Variants in ARHGAP32 observed in about 807,000 individuals in gnomAD.
The protein encoded by ARHGAP32 is Rho GTPase activating protein 32.
A neutral mutation model predicts 186.5 loss-of-function variants in ARHGAP32; 51 were observed. That is an observed-to-expected ratio of 0.27 (90% CI 0.22 to 0.35). The LOEUF (loss-of-function observed/expected upper bound fraction) is 0.35. Among genes scored for constraint, ARHGAP32 ranks in the 10% least tolerant of loss-of-function variants. ARHGAP32 has a pLI of 1.00. For synonymous variants in ARHGAP32, 950 were observed against 964.3 expected (o/e 0.99, Z 0.27); for missense variants, 2,186 against 2,623.5 (o/e 0.83, Z 3.64).
intron 1 of ARHGAP32, among the ~76,000 whole-genome samples, chr11:129,167,030 A>C (rs960574408): frequency 3.9e-5 from 6 of 152,196 alleles, no homozygotes; most frequent in African/African-American, 1.4e-4. Flanking sequence ...ACACTAGAAG[A>C]ACGAGAAATA....
chr11:128,981,870 A>G lies in ARHGAP32; in HGVS notation c.1593T>C (p.His531=). Reference sequence around the variant, plus strand: ...CCCAAACAATTGCTAGATTTTTTGCATGCATATTTGTGATGGAACAATAGT... The same window carrying G: ...CCCAAACAATTGCTAGATTTTTTGCGTGCATATTTGTGATGGAACAATAGT... ...LADYCSITNM[H]AKNLAIVWAP... The change falls in exon 16 of 23, where the codon CAT becomes CAC. Residue 531 remains histidine, a synonymous_variant. Transcript: ENST00000682385. 6 of 1,613,482 alleles carry G rather than the reference A, an allele frequency of 3.7e-6. No homozygotes were observed. Among genetic ancestry groups the G allele is most frequent in the Non-Finnish European group, 5.1e-6 (6 of 1,179,738 alleles).
intron 2 of ARHGAP32, among the ~76,000 whole-genome samples, chr11:129,127,341 A>G (rs1398409614): frequency 6.6e-6 from 1 of 152,206 alleles, no homozygotes; most frequent in African/African-American, 2.4e-5. Flanking sequence ...AGGCCAGTGA[A>G]CCAAACAACG....
chr11:129,172,159 T>A lies in ARHGAP32; in HGVS notation c.117-7732A>T, dbSNP rs544453696. Among the ~76,000 whole-genome samples, 31 of 152,296 alleles carry A rather than the reference T, an allele frequency of 2.0e-4. 1 individual carries two copies. The South Asian group carries it at 6.4e-3, about 32-fold the overall frequency. On this transcript the variant is annotated intron_variant, in intron 1 of 22. Transcript: ENST00000682385. ...TCTCTTCCTACCTGAATAACCTTTA[T>A]TTCTTTCTCTTGCCTGACTTCCCTG...
rs564830961 is a variant in ARHGAP32 at position 128,999,553 on chromosome 11, T to C, written c.1046-1085A>G. On this transcript the variant is annotated intron_variant, in intron 11 of 22. Coordinates refer to ENST00000682385, the MANE Select transcript of ARHGAP32 (RefSeq NM_001378024.1). ...TCGTAAACACCCTCCCCTTTGAAAA[T>C]TGCTAATAAAAACTTGCTGGTTTTG... 4.6e-5 allele frequency among the ~76,000 whole-genome samples: 7 copies of C among 152,238 alleles called. No homozygotes were observed. The South Asian group carries it at 8.3e-4, about 18-fold the overall frequency.
chr11:129,115,001 C>T (rs1414654238), intron 5 of ARHGAP32, among the ~76,000 whole-genome samples: 3 of 152,074 alleles, frequency 2.0e-5, no homozygotes, highest in Admixed American at 6.6e-5. Context: ...GCCTAATCAA[C>T]GGATTGCAAA....
At chr11:129,152,984 A>G (rs546951826) in intron 2 of ARHGAP32, among the ~76,000 whole-genome samples, 15 of 152,146 alleles carry the variant, frequency 9.9e-5, no homozygotes, top group Admixed American at 2.0e-4. Context: ...TACCTAGAAA[A>G]CCCTAATGAC....
chr11:129,105,135 A>G (rs895849164), intron 5 of ARHGAP32, among the ~76,000 whole-genome samples: 3 of 152,212 alleles, frequency 2.0e-5, no homozygotes, highest in African/African-American at 7.2e-5. Flanking sequence ...TAAGGCAAAC[A>G]AAAACTCTAC....
intron 1 of ARHGAP32, among the ~76,000 whole-genome samples, chr11:129,243,748 A>G (rs1378056458): frequency 3.3e-5 from 5 of 152,120 alleles, no homozygotes; most frequent in African/African-American, 1.2e-4. Context: ...CATGTGCCCC[A>G]TAAAATGCCA....
chr11:129,051,753 G>A (rs921452940), intron 10 of ARHGAP32, among the ~76,000 whole-genome samples: 8 of 151,632 alleles, frequency 5.3e-5, no homozygotes, highest in African/African-American at 1.7e-4. Flanking sequence ...TCAGGAGATC[G>A]AGACCATCCT....
chr11:129,267,967 C>G (rs917010719), intron 1 of ARHGAP32, among the ~76,000 whole-genome samples: 2 of 152,024 alleles, frequency 1.3e-5, no homozygotes, highest in African/African-American at 2.4e-5. Flanking sequence ...CCCCCACCCA[C>G]GGAAGGCATT....
At chr11:129,142,661 A>G (rs1384244659) in intron 2 of ARHGAP32, among the ~76,000 whole-genome samples, 1 of 152,058 alleles carries the variant, frequency 6.6e-6, no homozygotes, top group Non-Finnish European at 1.5e-5. Flanking sequence ...ATCAAAATGC[A>G]ATCAGTGTTA....
intron 2 of ARHGAP32, among the ~76,000 whole-genome samples, chr11:129,134,835 T>G (rs73581235): frequency 0.014 from 2,079 of 152,272 alleles, 53 homozygotes; most frequent in African/African-American, 0.047. Context: ...TTCCACCATG[T>G]GAGAACACAT....
chr11:129,096,884 A>G (rs1233447453), intron 5 of ARHGAP32, among the ~76,000 whole-genome samples: 1 of 152,236 alleles, frequency 6.6e-6, no homozygotes, highest in Non-Finnish European at 1.5e-5. Flanking sequence ...GACCTATTCA[A>G]AAGACTTACA....
At chr11:129,268,011 A>G (rs1405909746) in intron 1 of ARHGAP32, among the ~76,000 whole-genome samples, 1 of 152,146 alleles carries the variant, frequency 6.6e-6, no homozygotes, top group Non-Finnish European at 1.5e-5. Flanking sequence ...CTCATGACCC[A>G]AAAACCTCCT....
Position 129,067,921 on chromosome 11 carries a change from T to C in ARHGAP32, c.532-1053A>G, listed in dbSNP as rs76943580. ...CTTTGGACTGTAATCCTCCACGACA[T>C]AGACAAAAAGTCATTACCAGCTCCC... On this transcript the variant is annotated intron_variant, in intron 6 of 22. Coordinates refer to ENST00000682385, the MANE Select transcript of ARHGAP32 (RefSeq NM_001378024.1). Among the ~76,000 whole-genome samples, 180 of 152,134 alleles carry C rather than the reference T, an allele frequency of 1.2e-3. 1 individual carries two copies. Among genetic ancestry groups the C allele is most frequent in the Admixed American group, 1.5e-3 (23 of 15,278 alleles).
intron 11 of ARHGAP32, among the ~76,000 whole-genome samples, chr11:129,002,910 G>A (rs1323209418): frequency 2.8e-5 from 4 of 144,806 alleles, no homozygotes; most frequent in East Asian, 2.1e-4. Context: ...CCGGGTTCAC[G>A]CCATTCTCCT....
intron 11 of ARHGAP32, among the ~76,000 whole-genome samples, chr11:129,006,648 C>A (rs116503633): frequency 6.6e-6 from 1 of 152,336 alleles, no homozygotes; most frequent in African/African-American, 2.4e-5. Context: ...CCTGTGGCCA[C>A]CACCACTGGG....
At chr11:129,026,196 T>C (rs1306101250) in intron 11 of ARHGAP32, among the ~76,000 whole-genome samples, 2 of 152,220 alleles carry the variant, frequency 1.3e-5, no homozygotes, top group Non-Finnish European at 2.9e-5. Context: ...TACTACTATA[T>C]AGTTATGTTC....
At chr11:129,263,785 T>C (rs1468398641) in intron 1 of ARHGAP32, among the ~76,000 whole-genome samples, 1 of 152,034 alleles carries the variant, frequency 6.6e-6, no homozygotes, top group Admixed American at 6.6e-5. Context: ...GCACTCTTGA[T>C]GAGAATATAA....
Sources: gnomAD v4.1 joint callset for allele counts (sites outside exome capture counted in the v4.1 genomes callset) on GRCh38, gnomAD v4.1.1 for gene constraint, MANE v1.5 for transcripts, NCBI Gene and HGNC (gene_info 2026-07-23, HGNC 2026-07-21) for gene names.